The following PRKCA variants were observed in gnomAD, a reference collection of about 807,000 sequenced individuals.
PRKCA encodes protein kinase C alpha.
PRKCA carries 27 observed loss-of-function variants against 87.0 expected under a neutral mutation model. That is an observed-to-expected ratio of 0.31 (90% CI 0.23 to 0.43). The LOEUF (loss-of-function observed/expected upper bound fraction) is 0.43, where lower values mean the gene tolerates loss of function less well. Ranked by LOEUF, PRKCA falls within the 20% of genes least tolerant of loss-of-function variation. PRKCA has a pLI of 1.00. For missense variants in PRKCA, 518 were observed against 852.3 expected (o/e 0.61, Z 4.88); for synonymous variants, 329 against 311.1 (o/e 1.06, Z -0.61).
At chr17:66,739,341 A>T (rs929664508) in intron 11 of PRKCA, among the ~76,000 whole-genome samples, 1 of 152,174 alleles carries the variant, frequency 6.6e-6, no homozygotes, top group African/African-American at 2.4e-5. Context: ...TATTTCCAGT[A>T]TTTCCAATAA....
At chr17:66,520,031 TTTTGTTTGTTTG>T (rs576007020) in intron 3 of PRKCA, among the ~76,000 whole-genome samples, 1 of 152,122 alleles carries the variant, frequency 6.6e-6, no homozygotes, top group African/African-American at 2.4e-5. Flanking sequence ...AACTGGTTTG[TTTTGTTTGTTTG>T]TTTGTTTGTC....
chr17:66,521,129 T>TA (rs11361468), intron 3 of PRKCA, among the ~76,000 whole-genome samples: 55 of 146,500 alleles, frequency 3.8e-4, no homozygotes, highest in South Asian at 6.5e-4. Context: ...ATTGCCCCCT[T>TA]AAAAAAAAAA....
In PRKCA at chr17:66,770,443, G is replaced by A. The variant is rs193150655; in HGVS notation, c.1525-3544G>A. On this transcript the variant is annotated intron_variant, in intron 13 of 16. Transcript: ENST00000413366. ...TCTTTATATGGTATAGCAGTTCTGT[G>A]TTTTCTGTTCTAACTTCAAAAAAAC... Among the ~76,000 whole-genome samples, 499 of 152,220 alleles carry A rather than the reference G, an allele frequency of 3.3e-3. 2 individuals are homozygous for A. Among genetic ancestry groups the A allele is most frequent in the African/African-American group, 0.011 (471 of 41,528 alleles).
intron 3 of PRKCA, among the ~76,000 whole-genome samples, chr17:66,543,074 C>T: frequency 6.6e-6 from 1 of 152,120 alleles, no homozygotes. Flanking sequence ...AATTTCTATC[C>T]TTGTTTATAG....
At chr17:66,489,527 A>G (rs954767759) in intron 2 of PRKCA, among the ~76,000 whole-genome samples, 1 of 151,680 alleles carries the variant, frequency 6.6e-6, no homozygotes, top group African/African-American at 2.4e-5. Context: ...GAGGGGCCTC[A>G]CTTCCACCAT....
At chr17:66,659,722 C>T (rs1971837673) in intron 5 of PRKCA, among the ~76,000 whole-genome samples, 1 of 152,070 alleles carries the variant, frequency 6.6e-6, no homozygotes, top group African/African-American at 2.4e-5. Flanking sequence ...GCCTGGGTAG[C>T]AGAGTGAGAC....
At chr17:66,377,415 T>A (rs1377750413) in intron 2 of PRKCA, among the ~76,000 whole-genome samples, 2 of 151,738 alleles carry the variant, frequency 1.3e-5, no homozygotes, top group African/African-American at 4.8e-5. Context: ...TTGTCCCAGG[T>A]CTATCTGGGG....
chr17:66,398,016 C>T (rs1910788824), intron 2 of PRKCA: 1 of 152,168 alleles, frequency 6.6e-6, no homozygotes, highest in South Asian at 2.1e-4. Flanking sequence ...GGACATGGAC[C>T]TCAACTCTTT....
intron 13 of PRKCA, among the ~76,000 whole-genome samples, chr17:66,773,271 A>C (rs556294698): frequency 6.6e-6 from 1 of 152,206 alleles, no homozygotes; most frequent in African/African-American, 2.4e-5. Flanking sequence ...AGTTGGCTCT[A>C]GATACTATAT....
At chr17:66,653,106 G>A (rs895123551) in intron 5 of PRKCA, among the ~76,000 whole-genome samples, 7 of 152,304 alleles carry the variant, frequency 4.6e-5, no homozygotes, top group South Asian at 2.1e-4. Context: ...TGACACAGCC[G>A]GCCAGACTGC....
intron 8 of PRKCA, among the ~76,000 whole-genome samples, chr17:66,695,175 T>C (rs1372024509): frequency 3.3e-5 from 5 of 152,140 alleles, no homozygotes; most frequent in Admixed American, 3.3e-4. Context: ...GTTTACTCTG[T>C]CCAAGACCTT....
chr17:66,649,234 C>T (rs1422072703), intron 5 of PRKCA, among the ~76,000 whole-genome samples: 1 of 152,226 alleles, frequency 6.6e-6, no homozygotes, highest in Admixed American at 6.5e-5. Context: ...TAAGCAGAGC[C>T]CCCTTGGGGC....
chr17:66,650,101 C>T (rs1677158008), intron 5 of PRKCA, among the ~76,000 whole-genome samples: 1 of 152,210 alleles, frequency 6.6e-6, no homozygotes, highest in African/African-American at 2.4e-5. Flanking sequence ...GAACCCTGAG[C>T]AGCTGTGTTA....
rs1044605647 is a variant in PRKCA, at chr17:66,520,470, G to T, written c.288+24187G>T. On this transcript the variant is annotated intron_variant, in intron 3 of 16. Transcript: ENST00000413366. ...TATAGAGTCAGGGTCTTGCTATGTT[G>T]CCCAGGCTGGTCTCAAAACTCCTGG... is the stretch of plus-strand genomic sequence containing the variant. 3.3e-5 allele frequency among the ~76,000 whole-genome samples: 5 copies of T among 151,734 alleles called. 1 individual carries two copies. The East Asian group carries it at 9.7e-4, about 29-fold the overall frequency.
chr17:66,804,309 A>G lies in PRKCA; in HGVS notation c.*272A>G. 1 of 337,004 alleles carries G rather than the reference A, an allele frequency of 3.0e-6. No individual in the cohort carries two copies. Among genetic ancestry groups the G allele is most frequent in the South Asian group, 8.9e-5 (1 of 11,230 alleles). 20.9% of individuals were successfully genotyped at this position (337,004 alleles called of 1,614,324 possible). On this transcript the variant is annotated 3_prime_UTR_variant, in exon 17 of 17. Coordinates refer to ENST00000413366, the MANE Select transcript of PRKCA (RefSeq NM_002737.3). ...GTCTGGCTCTAGGTTAACCCTTCCT[A>G]GAAAGCAAGCAGACTGTTGCCCCAT...
At chr17:66,305,263 A>T (rs560685447) in intron 1 of PRKCA, among the ~76,000 whole-genome samples, 3 of 152,284 alleles carry the variant, frequency 2.0e-5, no homozygotes, top group East Asian at 3.9e-4. Context: ...TTAGAGTTAG[A>T]TATGGTTTTT....
chr17:66,683,151 G>T (rs1057354955), intron 5 of PRKCA, among the ~76,000 whole-genome samples: 6 of 152,178 alleles, frequency 3.9e-5, no homozygotes, highest in Non-Finnish European at 8.8e-5. Context: ...GATCCAGCTA[G>T]AAATGAATAA....
chr17:66,306,821 A>G (rs1226803656), intron 2 of PRKCA, among the ~76,000 whole-genome samples: 1 of 152,134 alleles, frequency 6.6e-6, no homozygotes, highest in Non-Finnish European at 1.5e-5. Flanking sequence ...TCCTTTTTGA[A>G]GAAACCCACT....
chr17:66,706,773 T>G (rs1450385850), intron 8 of PRKCA, among the ~76,000 whole-genome samples: 1 of 152,190 alleles, frequency 6.6e-6, no homozygotes, highest in Non-Finnish European at 1.5e-5. Flanking sequence ...CTACATTCAT[T>G]CATTCGTGTG....
Sources: allele counts gnomAD v4.1 joint callset (sites outside exome capture counted in the v4.1 genomes callset), GRCh38; gene constraint gnomAD v4.1.1; transcripts MANE v1.5; gene names NCBI Gene and HGNC (gene_info 2026-07-23, HGNC 2026-07-21).